The following SI variants were observed in gnomAD, a reference collection of about 807,000 sequenced individuals.
SI encodes the protein sucrase-isomaltase.
A neutral mutation model predicts 253.3 loss-of-function variants in SI; 235 were observed. The observed-to-expected ratio is 0.93, with a 90% CI of 0.83 to 1.03. The LOEUF is 1.03. Among genes scored for constraint, SI ranks in the 50% least tolerant of loss-of-function variants. The pLI is 0.00. For synonymous variants in SI, 819 were observed against 712.0 expected (o/e 1.15, Z -2.39); for missense variants, 2,442 against 2,211.1 (o/e 1.10, Z -2.09).
intron 7 of SI, among the ~76,000 whole-genome samples, chr3:165,064,473 C>T (rs1298216099): frequency 2.0e-5 from 3 of 152,040 alleles, no homozygotes; most frequent in Non-Finnish European, 4.4e-5. Context: ...ACTGGTTTAT[C>T]TTTGATATAG....
chr3:164,979,451 T>G, intron 47 of SI, 21 bp from the exon 48 acceptor site: 2 of 1,318,412 alleles, frequency 1.5e-6, no homozygotes, highest in Non-Finnish European at 2.2e-6. Flanking sequence ...AAAATAATAA[T>G]TAGTTGTTTA....
intron 36 of SI, among the ~76,000 whole-genome samples, chr3:165,007,314 A>G (rs1265944945): frequency 1.3e-5 from 2 of 151,974 alleles, no homozygotes; most frequent in Non-Finnish European, 2.9e-5. Context: ...TTTGATCCAC[A>G]TTTTCTCAGT....
At chr3:165,030,458 A>G (rs1452393027) in intron 25 of SI, among the ~76,000 whole-genome samples, 1 of 150,958 alleles carries the variant, frequency 6.6e-6, no homozygotes, top group East Asian at 1.9e-4. Context: ...TTTTTTAAGT[A>G]AAGTTACATT....
chr3:165,078,230 A>T (rs1186786401), intron 1 of SI, among the ~76,000 whole-genome samples: 1 of 151,558 alleles, frequency 6.6e-6, no homozygotes, highest in Non-Finnish European at 1.5e-5. Context: ...GGCCAAAAAA[A>T]ATCCTGTATT....
intron 40 of SI, among the ~76,000 whole-genome samples, chr3:164,995,733 A>G (rs933806542): frequency 6.6e-6 from 1 of 151,728 alleles, no homozygotes; most frequent in Non-Finnish European, 1.5e-5. Context: ...CACTTTTCCT[A>G]AAGCAGAATC....
Position 165,048,494 on chromosome 3 carries a change from A to C in SI, c.1715+633T>G, listed in dbSNP as rs1576908537. Among the ~76,000 whole-genome samples, 5 of 149,450 alleles carry C rather than the reference A, an allele frequency of 3.3e-5. 1 individual carries two copies. The East Asian group carries it at 9.8e-4, about 29-fold the overall frequency. Reference sequence around the variant, plus strand: ...CACAGTTATATTCAGAAATGGTAAAATTTTGAAGGATAATTTAAATCTAGG... The same window carrying C: ...CACAGTTATATTCAGAAATGGTAAACTTTTGAAGGATAATTTAAATCTAGG... On this transcript the variant is annotated intron_variant, in intron 15 of 47. Coordinates refer to ENST00000264382, the MANE Select transcript of SI (RefSeq NM_001041.4).
chr3:165,015,338 G>A (rs776531795), intron 32 of SI, 105 bp from the exon 33 acceptor site: 11 of 763,882 alleles, frequency 1.4e-5, no homozygotes, highest in Non-Finnish European at 2.3e-5. Flanking sequence ...TCATAATAAT[G>A]TGCTCTCACA....
chr3:165,080,338 C>G (rs1715264527), upstream of SI, among the ~76,000 whole-genome samples: 1 of 152,004 alleles, frequency 6.6e-6, no homozygotes, highest in African/African-American at 2.4e-5. Flanking sequence ...CAAGTTTTAA[C>G]TAGTCCTCCT....
rs1323748213 is a variant in SI at position 165,026,669 on chromosome 3, C to A, written c.2893-2893G>T. On this transcript the variant is annotated intron_variant, in intron 25 of 47. Transcript: ENST00000264382. Reference sequence around the variant, plus strand: ...AACTGGAAATCAACTCCAAAAGGAACCTTCAAAACCATGCAAATACATGCA... The same window carrying A: ...AACTGGAAATCAACTCCAAAAGGAAACTTCAAAACCATGCAAATACATGCA... 2.0e-5 allele frequency among the ~76,000 whole-genome samples: 3 copies of A among 151,290 alleles called. No homozygotes were observed. The East Asian group carries it at 5.8e-4, about 29-fold the overall frequency.
chr3:165,058,983 T>A lies in SI; in HGVS notation c.1378A>T (p.Ser460Cys), dbSNP rs141450837. 2.0e-4 allele frequency: 320 copies of A among 1,611,452 alleles called. No homozygotes were observed. Among genetic ancestry groups the A allele is most frequent in the Non-Finnish European group, 2.6e-4 (308 of 1,178,242 alleles). The change falls in exon 12 of 48, where the codon AGT becomes TGT. Residue 460 changes from serine to cysteine, a missense_variant. Coordinates refer to ENST00000264382, the MANE Select transcript of SI (RefSeq NM_001041.4). The stretch of plus-strand genomic sequence containing the variant: ...TTTACCTCTCCAATAATTGGTGTAC[T>A]TCCATCTGACTCATTTATCCACACA... ...QHVWINESDG[S>C]TPIIGEVWPG...
At position 164,989,785 on chromosome 3, in the gene SI, T is replaced by C. The variant is rs140534143; in HGVS notation, c.5108+1568A>G. Among the ~76,000 whole-genome samples the C allele has an allele frequency of 6.6e-4, 101 of 152,298 alleles. 2 individuals carry two copies. Among genetic ancestry groups the C allele is most frequent in the African/African-American group, 2.1e-3 (86 of 41,578 alleles). ...AATGAGATACAACCCAGGTATCTCATGGAGGAATCTTAAATGCATATAACT... is the reference window on the plus strand; with the variant it reads ...AATGAGATACAACCCAGGTATCTCACGGAGGAATCTTAAATGCATATAACT... On this transcript the variant is annotated intron_variant, in intron 44 of 47. Transcript: ENST00000264382.
At chr3:165,079,402 G>A (rs906196653), upstream of SI, among the ~76,000 whole-genome samples, 3 of 151,520 alleles carry the variant, frequency 2.0e-5, no homozygotes, top group Admixed American at 1.3e-4. Flanking sequence ...TTAAAATAAT[G>A]TGTTTGCATA....
At position 165,033,392 on chromosome 3, in the gene SI, T is replaced by C. The variant is rs1712352792; in HGVS notation, c.2565+3A>G. On this transcript the variant is annotated splice_donor_region_variant and intron_variant, in intron 23 of 47. Transcript: ENST00000264382. ...TAAGTATATGTACAAAGAGAGTGCT[T>C]ACATTAGAAACTGAAAATGTATATA... 1 of 1,557,800 alleles carries C rather than the reference T, an allele frequency of 6.4e-7. No homozygotes were observed. Among genetic ancestry groups the C allele is most frequent in the Non-Finnish European group, 8.7e-7 (1 of 1,148,450 alleles).
At chr3:165,076,536 C>T (rs2108119177) in intron 1 of SI, among the ~76,000 whole-genome samples, 1 of 151,828 alleles carries the variant, frequency 6.6e-6, no homozygotes, top group Admixed American at 6.6e-5. Context: ...AATTCCAACA[C>T]TACTTTCCAC....
In SI at chr3:165,019,715, T is replaced by A. The variant is rs940529435; in HGVS notation, c.3310A>T (p.Thr1104Ser). ...AFNDQFIQIS[T>S]RLPSEYIYGF... ...TATATATATTCTGATGGCAGGCGAG[T>A]CGATATTTGAATGAACTGGTCATTA... is the stretch of plus-strand genomic sequence containing the variant. The change falls in exon 28 of 48, where the codon ACT (threonine) becomes TCT (serine). Residue 1104 changes from threonine (T) to serine (S), a missense_variant. Physicochemically the swap from Thr to Ser is moderately conservative, Grantham distance 58. Coordinates refer to ENST00000264382, the MANE Select transcript of SI (RefSeq NM_001041.4). 2 of 1,612,404 alleles carry A rather than the reference T, an allele frequency of 1.2e-6. No homozygotes were observed. The highest frequency in any genetic ancestry group is 2.7e-5 in the African/African-American group (2 of 74,698).
intron 17 of SI, among the ~76,000 whole-genome samples, chr3:165,041,472 G>A (rs1013073800): frequency 6.6e-6 from 1 of 151,920 alleles, no homozygotes; most frequent in African/African-American, 2.4e-5. Flanking sequence ...CCCAAGCTTC[G>A]ATGTGGCGCT....
chr3:165,032,482 A>T, intron 24 of SI, 40 bp downstream of exon 24: 1 of 1,350,860 alleles, frequency 7.4e-7, no homozygotes, highest in Non-Finnish European at 1.1e-6. Context: ...TAAATATGAG[A>T]TTATATGATA....
intron 26 of SI, among the ~76,000 whole-genome samples, chr3:165,022,633 A>T (rs1711688367): frequency 6.6e-6 from 1 of 150,760 alleles, no homozygotes; most frequent in Non-Finnish European, 1.5e-5. Flanking sequence ...AAAATCTTCC[A>T]TGCTTTTGTG....
chr3:165,067,281 G>T, intron 6 of SI, 59 bp downstream of exon 6: 1 of 1,248,864 alleles, frequency 8.0e-7, no homozygotes, highest in Non-Finnish European at 1.1e-6. Flanking sequence ...TTGAAATTAA[G>T]ACTTTCCAAT....
Sources: gnomAD v4.1 joint callset for allele counts (sites outside exome capture counted in the v4.1 genomes callset) on GRCh38, gnomAD v4.1.1 for gene constraint, MANE v1.5 for transcripts, NCBI Gene and HGNC (gene_info 2026-07-23, HGNC 2026-07-21) for gene names.